The following TRIO variants were observed in gnomAD, a reference collection of about 807,000 sequenced individuals.
TRIO encodes triple functional domain protein.
A neutral mutation model predicts 351.9 loss-of-function variants in TRIO; 58 were observed. That is an observed-to-expected ratio of 0.16 (90% CI 0.13 to 0.21). The LOEUF is 0.21. Ranked by LOEUF, TRIO falls within the 10% of genes least tolerant of loss-of-function variation. TRIO has a pLI of 1.00. For synonymous variants in TRIO, 1,758 were observed against 1,595.7 expected, an observed-to-expected ratio of 1.10 and a Z score of -2.42; for missense variants, 3,201 against 4,027.8, an observed-to-expected ratio of 0.79 and a Z score of 5.56.
intron 23 of TRIO, 71 bp downstream of exon 23, chr5:14,387,918 C>A: frequency 2.0e-6 from 3 of 1,505,508 alleles, no homozygotes; most frequent in Middle Eastern, 2.1e-4. Flanking sequence ...GACAGACATG[C>A]TTCTGTGTGT....
intron 31 of TRIO, among the ~76,000 whole-genome samples, chr5:14,404,447 G>A (rs1430044736): frequency 2.0e-5 from 3 of 152,040 alleles, no homozygotes; most frequent in South Asian, 4.1e-4. Flanking sequence ...TAAGTGTAAC[G>A]ATCAATTCAT....
intron 1 of TRIO, among the ~76,000 whole-genome samples, chr5:14,218,255 C>T (rs920214151): frequency 1.3e-5 from 2 of 152,092 alleles, no homozygotes; most frequent in Non-Finnish European, 2.9e-5. Flanking sequence ...TTAGTGAAGT[C>T]GTCGGTTTAA....
At position 14,397,111 on chromosome 5, in the gene TRIO, G is replaced by T; in HGVS notation, c.4380G>T (p.Val1460=). The stretch of plus-strand genomic sequence containing the variant: ...ATGGCCTGGAGGTGATGCTCAGCGT[G>T]CCGAAGCGAGCCAATGATGCCATGC... ...IKDGLEVMLS[V]PKRANDAMHL... is the part of the protein sequence containing the mutation. The change falls in exon 29 of 57, where the codon GTG becomes GTT. Residue 1460 remains valine, a synonymous_variant. Transcript: ENST00000344204. The T allele has an allele frequency of 6.2e-7, 1 of 1,608,984 alleles. No homozygotes were observed. The highest frequency in any genetic ancestry group is 8.5e-7 in the Non-Finnish European group (1 of 1,178,578).
intron 42 of TRIO, 31 bp from the exon 43 acceptor site, chr5:14,479,888 A>C: frequency 6.2e-7 from 1 of 1,609,878 alleles, no homozygotes. Flanking sequence ...TGAACAGCCC[A>C]TACGATCTTT....
chr5:14,304,810 G>A (rs1434610865), intron 8 of TRIO, among the ~76,000 whole-genome samples: 12 of 152,128 alleles, frequency 7.9e-5, no homozygotes, highest in Admixed American at 6.5e-4. Context: ...TAGCCTTTCC[G>A]ATAGAGCGCT....
intron 1 of TRIO, among the ~76,000 whole-genome samples, chr5:14,150,832 C>T (rs1787785091): frequency 6.6e-6 from 1 of 151,994 alleles, no homozygotes; most frequent in African/African-American, 2.4e-5. Flanking sequence ...TTATAATTGC[C>T]CGGGGGTGAT....
intron 9 of TRIO, among the ~76,000 whole-genome samples, chr5:14,322,768 C>T (rs1740002318): frequency 6.6e-6 from 1 of 152,236 alleles, no homozygotes; most frequent in African/African-American, 2.4e-5. Flanking sequence ...CTTCTGTTTA[C>T]ACTCCAGCAC....
At chr5:14,204,853 C>T (rs1332990615) in intron 1 of TRIO, among the ~76,000 whole-genome samples, 1 of 152,198 alleles carries the variant, frequency 6.6e-6, no homozygotes, top group Non-Finnish European at 1.5e-5. Context: ...ATTCACTGGG[C>T]TGTTCGGATG....
intron 8 of TRIO, among the ~76,000 whole-genome samples, chr5:14,316,111 T>A (rs1739361026): frequency 6.6e-6 from 1 of 152,226 alleles, no homozygotes; most frequent in African/African-American, 2.4e-5. Context: ...TGTCTCGAGA[T>A]AAAATTATTA....
chr5:14,448,547 G>A (rs763796534), intron 34 of TRIO, among the ~76,000 whole-genome samples: 3 of 152,230 alleles, frequency 2.0e-5, no homozygotes, highest in Non-Finnish European at 2.9e-5. Context: ...ATTGGGGCTC[G>A]ATGCGGGCAG....
chr5:14,334,666 C>T (rs1037317607), intron 10 of TRIO, among the ~76,000 whole-genome samples: 3 of 152,182 alleles, frequency 2.0e-5, no homozygotes, highest in African/African-American at 4.8e-5. Context: ...CTTGCTACAC[C>T]GTTAGCTTCA....
intron 31 of TRIO, among the ~76,000 whole-genome samples, chr5:14,401,836 G>C (rs1210844771): frequency 6.6e-6 from 1 of 152,138 alleles, no homozygotes; most frequent in Non-Finnish European, 1.5e-5. Flanking sequence ...TGGAGCTAAG[G>C]CTTATCGAAT....
intron 9 of TRIO, among the ~76,000 whole-genome samples, chr5:14,328,272 C>CTTAAAACAATGAGCTCAATACGCTAG (rs1740580109): frequency 1.3e-5 from 2 of 152,028 alleles, no homozygotes; most frequent in African/African-American, 4.8e-5. Flanking sequence ...CAATGCACTA[C>CTTAAAACAATGAGCTCAATACGCTAG]TTAAAACAAT....
chr5:14,220,489 A>C (rs1792548233), intron 1 of TRIO, among the ~76,000 whole-genome samples: 1 of 152,246 alleles, frequency 6.6e-6, no homozygotes. Flanking sequence ...AAAAGCTAGA[A>C]ATGATTAAAC....
At position 14,502,627 on chromosome 5, in the gene TRIO, C is replaced by T; in HGVS notation, c.8381C>T (p.Ser2794Phe). ...IMVTWKDNFD[S>F]FYSEVAELGR... Reference sequence around the variant, plus strand: ...GTGACCTGGAAAGACAACTTTGACTCCTTCTACAGTGAAGTGGCTGAGCTT... The same window carrying T: ...GTGACCTGGAAAGACAACTTTGACTTCTTCTACAGTGAAGTGGCTGAGCTT... Residue 2794 changes from serine (S) to phenylalanine (F), a missense_variant, in exon 54 of 57, where the codon TCC (serine) becomes TTC (phenylalanine). Ser to Phe is a radical substitution (Grantham distance 155). This residue lies in a region of TRIO where 1,089 missense variants were observed against 954.9 expected (regional missense o/e 1.14). Transcript: ENST00000344204. The T allele has an allele frequency of 6.2e-7, 1 of 1,614,202 alleles. No individual in the cohort carries two copies. Among genetic ancestry groups the T allele is most frequent in the Non-Finnish European group, 8.5e-7 (1 of 1,180,048 alleles).
chr5:14,331,033 C>T (rs1489979006), intron 10 of TRIO, 133 bp downstream of exon 10: 14 of 1,306,820 alleles, frequency 1.1e-5, no homozygotes, highest in Admixed American at 7.2e-5. Flanking sequence ...GTAAAGGCTC[C>T]GATTTCAGAG....
In TRIO at chr5:14,499,909, G is replaced by A. The variant is rs1197780559; in HGVS notation, c.8332+1269G>A. Among the ~76,000 whole-genome samples, 20 of 151,928 alleles carry A rather than the reference G, an allele frequency of 1.3e-4. No homozygotes were observed. The East Asian group carries it at 3.3e-3, about 25-fold the overall frequency. ...TGCTAAAAATAACAAAAAATTAGCCGGCGTGGTGGCAAGCGCCTGTAGTCC... is the reference window on the plus strand; with the variant it reads ...TGCTAAAAATAACAAAAAATTAGCCAGCGTGGTGGCAAGCGCCTGTAGTCC... On this transcript the variant is annotated intron_variant, in intron 53 of 56. Transcript: ENST00000344204.
intron 34 of TRIO, among the ~76,000 whole-genome samples, chr5:14,424,833 G>A (rs1036185324): frequency 2.6e-5 from 4 of 152,148 alleles, no homozygotes; most frequent in African/African-American, 9.7e-5. Flanking sequence ...CTTTTCTGTG[G>A]GTCCACCCTG....
Position 14,378,045 on chromosome 5 carries a change from G to A in TRIO, c.3365G>A (p.Arg1122Lys), listed in dbSNP as rs1423073045. The change falls in exon 20 of 57, where the codon AGG becomes AAG. Residue 1122 changes from arginine (R) to lysine (K), a missense_variant. Physicochemically the swap from Arg to Lys is conservative, Grantham distance 26. Transcript: ENST00000344204. Reference sequence around the variant, plus strand: ...AATGAACTCTTCCAACGGGAGAACAGGGTATTGCATTACTGGACCATGAGG... The same window carrying A: ...AATGAACTCTTCCAACGGGAGAACAAGGTATTGCATTACTGGACCATGAGG... ...ILNELFQREN[R>K]VLHYWTMRKR... 4.3e-6 allele frequency: 7 copies of A among 1,613,356 alleles called. No individual in the cohort carries two copies. The highest frequency in any genetic ancestry group is 1.3e-5 in the African/African-American group (1 of 74,896).
Sources: allele counts gnomAD v4.1 joint callset (sites outside exome capture counted in the v4.1 genomes callset), GRCh38; gene constraint gnomAD v4.1.1; regional missense constraint gnomAD v4.1.1; transcripts MANE v1.5; gene names NCBI Gene and HGNC (gene_info 2026-07-23, HGNC 2026-07-21).